SYNPO2: variants seen among roughly 807,000 people sequenced by gnomAD.
The protein encoded by SYNPO2 is synaptopodin 2, also known as synaptopodin-2.
Under a neutral mutation model 85.0 loss-of-function variants are expected in SYNPO2, and 56 were observed. That is an observed-to-expected ratio of 0.66 (90% CI 0.53 to 0.82). The LOEUF (loss-of-function observed/expected upper bound fraction) is 0.82. SYNPO2 is among the 40% of genes least tolerant of loss of function. The probability of loss-of-function intolerance (pLI) is 0.00; values close to 1 mark genes in which losing one functional copy is unlikely to be tolerated. For synonymous variants in SYNPO2, 602 were observed against 591.1 expected, an observed-to-expected ratio of 1.02 and a Z score of -0.27; for missense variants, 1,575 against 1,534.2, an observed-to-expected ratio of 1.03 and a Z score of -0.44.
At chr4:119,013,726 A>G (rs990618376) in intron 1 of SYNPO2, among the ~76,000 whole-genome samples, 4 of 152,236 alleles carry the variant, frequency 2.6e-5, no homozygotes, top group African/African-American at 7.2e-5. Flanking sequence ...TTGATATTGT[A>G]TAATGAAATG....
intron 1 of SYNPO2, among the ~76,000 whole-genome samples, chr4:118,910,520 T>A (rs948145028): frequency 3.3e-5 from 5 of 151,990 alleles, no homozygotes; most frequent in Admixed American, 6.6e-5. Flanking sequence ...ATGAGAAATA[T>A]GGTGCACTTA....
intron 1 of SYNPO2, among the ~76,000 whole-genome samples, chr4:118,906,519 T>A (rs1732942525): frequency 6.6e-6 from 1 of 152,208 alleles, no homozygotes; most frequent in African/African-American, 2.4e-5. Flanking sequence ...TGATTAGAGC[T>A]ATTTTAAATC....
chr4:118,875,782 G>C (rs62329303), intron 1 of SYNPO2, among the ~76,000 whole-genome samples: 1 of 152,100 alleles, frequency 6.6e-6, no homozygotes, highest in South Asian at 2.1e-4. Context: ...CAATGTGTTG[G>C]TGTTGTGGTA....
Position 118,995,855 on chromosome 4 carries a change from A to G in SYNPO2, c.106-27575A>G, listed in dbSNP as rs1342498903. On this transcript the variant is annotated intron_variant, in intron 1 of 4. Transcript: ENST00000307142. ...TCATTCTTTATCTGTCCATGTATCTATTTATCTTATCTATCTATCTATCTA... is the reference window on the plus strand; with the variant it reads ...TCATTCTTTATCTGTCCATGTATCTGTTTATCTTATCTATCTATCTATCTA... Among the ~76,000 whole-genome samples, 3 of 146,212 alleles carry G rather than the reference A, an allele frequency of 2.1e-5. No homozygotes were observed. In the East Asian group the frequency reaches 6.1e-4, roughly 30 times the overall value.
chr4:118,954,170 TA>T (rs1445636599), intron 1 of SYNPO2, among the ~76,000 whole-genome samples: 1 of 152,218 alleles, frequency 6.6e-6, no homozygotes, highest in Non-Finnish European at 1.5e-5. Context: ...TTTCAGTTTT[TA>T]AAAAGATTTA....
intron 1 of SYNPO2, among the ~76,000 whole-genome samples, chr4:118,928,158 C>T (rs2149131745): frequency 6.6e-6 from 1 of 152,216 alleles, no homozygotes; most frequent in South Asian, 2.1e-4. Flanking sequence ...CAAGTAGGCA[C>T]AATAAATTAG....
intron 1 of SYNPO2, among the ~76,000 whole-genome samples, chr4:118,996,752 G>C (rs907796025): frequency 1.3e-5 from 2 of 151,702 alleles, no homozygotes; most frequent in Admixed American, 1.3e-4. Context: ...AGTTACTCGG[G>C]AGGCTGAGGT....
In SYNPO2 at chr4:118,879,328, C is replaced by G. The variant is rs137944335; in HGVS notation, c.12+28388C>G. On this transcript the variant is annotated intron_variant, in intron 1 of 4. Transcript: ENST00000610556. ...GTTAGAGCTTCCTTTTCCCTAGGCT[C>G]TGGGGAACTGAACGTTTTTGTCTCC... is the stretch of plus-strand genomic sequence containing the variant. Among the ~76,000 whole-genome samples the G allele has an allele frequency of 2.2e-3, 332 of 152,322 alleles. 3 individuals carry two copies. Among genetic ancestry groups the G allele is most frequent in the African/African-American group, 7.2e-3 (298 of 41,578 alleles).
intron 1 of SYNPO2, among the ~76,000 whole-genome samples, chr4:118,879,305 T>A (rs989106589): frequency 6.6e-6 from 1 of 152,202 alleles, no homozygotes; most frequent in Non-Finnish European, 1.5e-5. Context: ...CAGAGAGGGT[T>A]AGAGCTTCCT....
chr4:118,959,906 T>C (rs1735013845), intron 1 of SYNPO2, among the ~76,000 whole-genome samples: 2 of 152,178 alleles, frequency 1.3e-5, no homozygotes, highest in African/African-American at 4.8e-5. Flanking sequence ...GTTATTTTAT[T>C]TGGGACGGAG....
chr4:118,956,138 G>A (rs987016696), intron 1 of SYNPO2, among the ~76,000 whole-genome samples: 3 of 152,098 alleles, frequency 2.0e-5, no homozygotes, highest in Non-Finnish European at 4.4e-5. Flanking sequence ...GAAATGAGAG[G>A]AGAGATTGGG....
In SYNPO2 at chr4:119,026,666, T is replaced by C; in HGVS notation, c.297T>C (p.Asn99=). The change falls in exon 3 of 5, where the codon AAT becomes AAC. Residue 99 remains asparagine, a synonymous_variant. Transcript: ENST00000307142. ...TAAGTGAGGCTTTGATATCTGAAAA[T>C]GAAAACAAAAACCTCGAGCATCTCA... is the stretch of plus-strand genomic sequence containing the variant. ...SGISEALISE[N]ENKNLEHLTH... The C allele has an allele frequency of 6.2e-7, 1 of 1,611,984 alleles. No individual in the cohort carries two copies.
At chr4:119,010,001 T>C (rs778908908) in intron 1 of SYNPO2, among the ~76,000 whole-genome samples, 2 of 152,220 alleles carry the variant, frequency 1.3e-5, no homozygotes, top group African/African-American at 4.8e-5. Flanking sequence ...TGGGTTTTTC[T>C]CCATAACCAT....
intron 1 of SYNPO2, among the ~76,000 whole-genome samples, chr4:119,017,779 A>G (rs1279497539): frequency 2.6e-5 from 4 of 152,202 alleles, no homozygotes; most frequent in African/African-American, 9.7e-5. Context: ...ACATTTTCCA[A>G]CAGTACTTGT....
intron 1 of SYNPO2, among the ~76,000 whole-genome samples, chr4:118,876,947 T>C (rs940428214): frequency 6.6e-6 from 1 of 151,688 alleles, no homozygotes; most frequent in African/African-American, 2.4e-5. Flanking sequence ...CATGCCACTA[T>C]GCTCACTCTG....
intron 1 of SYNPO2, among the ~76,000 whole-genome samples, chr4:119,009,426 T>G (rs1737206844): frequency 6.6e-6 from 1 of 152,184 alleles, no homozygotes; most frequent in South Asian, 2.1e-4. Context: ...TCTAGTCTCC[T>G]TGAAAAATAT....
Position 119,040,512 on chromosome 4 carries a change from A to C in SYNPO2, c.3252+8485A>C, listed in dbSNP as rs189884118. On this transcript the variant is annotated intron_variant, in intron 4 of 4. Coordinates refer to ENST00000307142, the MANE Select transcript of SYNPO2 (RefSeq NM_133477.3). The stretch of plus-strand genomic sequence containing the variant: ...TTTCGTGGTATACAAAGATGAGATC[A>C]GATTCAAAAAGACTGGTTCAATATT... 3.2e-3 allele frequency among the ~76,000 whole-genome samples: 487 copies of C among 152,348 alleles called. 2 individuals are homozygous for C. The highest frequency in any genetic ancestry group is 0.01 in the African/African-American group (420 of 41,590).
intron 1 of SYNPO2, among the ~76,000 whole-genome samples, chr4:118,931,673 G>A (rs1290387099): frequency 1.3e-5 from 2 of 152,106 alleles, no homozygotes; most frequent in Non-Finnish European, 2.9e-5. Context: ...AAATCAGTGG[G>A]ATCCCAGATT....
At chr4:118,861,707 A>G (rs138948780) in intron 1 of SYNPO2, among the ~76,000 whole-genome samples, 196 of 152,168 alleles carry the variant, frequency 1.3e-3, no homozygotes, top group African/African-American at 4.6e-3. Context: ...GTATGTGTCT[A>G]TTTTTGTGCC....
Sources: gnomAD v4.1 joint callset for allele counts (sites outside exome capture counted in the v4.1 genomes callset) on GRCh38, gnomAD v4.1.1 for gene constraint, MANE v1.5 for transcripts, NCBI Gene and HGNC (gene_info 2026-07-23, HGNC 2026-07-21) for gene names.